TBC1D5: variants seen among roughly 807,000 people sequenced by gnomAD.
TBC1D5 encodes TBC1 domain family member 5, also known as TBC1 domain family, member 5.
In TBC1D5, 75 loss-of-function variants were observed where a neutral mutation model predicts 100.3. That is an observed-to-expected ratio of 0.75 (90% CI 0.62 to 0.91). The LOEUF is 0.91. TBC1D5 is among the 40% of genes least tolerant of loss of function. The pLI is 0.00. For missense variants in TBC1D5, 910 were observed against 942.4 expected, an observed-to-expected ratio of 0.97 and a Z score of 0.45; for synonymous variants, 323 against 325.6, an observed-to-expected ratio of 0.99 and a Z score of 0.09.
chr3:17,656,252 G>A (rs2066050793), intron 1 of TBC1D5, among the ~76,000 whole-genome samples: 1 of 152,148 alleles, frequency 6.6e-6, no homozygotes, highest in Non-Finnish European at 1.5e-5. Context: ...TTGGCACCAG[G>A]CTCAGGGTCA....
chr3:17,499,762 C>T lies in TBC1D5; in HGVS notation c.97+8712G>A, dbSNP rs149490723. Among the ~76,000 whole-genome samples, 29 of 148,856 alleles carry T rather than the reference C, an allele frequency of 1.9e-4. 1 individual carries two copies. Among genetic ancestry groups the T allele is most frequent in the African/African-American group, 6.4e-4 (25 of 39,082 alleles). On this transcript the variant is annotated intron_variant, in intron 3 of 21. Coordinates refer to ENST00000253692, the Ensembl canonical transcript of TBC1D5. The stretch of plus-strand genomic sequence containing the variant: ...CATTAATGAATCAACAAAAAGCAAC[C>T]AACATAATTTTTTGATAAAAGCTCC...
chr3:17,655,311 T>TG (rs2065955057), intron 1 of TBC1D5, among the ~76,000 whole-genome samples: 1 of 62,010 alleles, frequency 1.6e-5, no homozygotes, highest in South Asian at 6.2e-4. Flanking sequence ...TGTTGTGGGG[T>TG]GGGGGGAGGG....
chr3:17,359,771 A>G (rs1356107930), intron 13 of TBC1D5, among the ~76,000 whole-genome samples: 1 of 152,038 alleles, frequency 6.6e-6, no homozygotes, highest in African/African-American at 2.4e-5. Flanking sequence ...ATAAATTACC[A>G]TATGGCAATA....
chr3:17,681,494 T>G (rs966313053), intron 1 of TBC1D5, among the ~76,000 whole-genome samples: 3 of 151,450 alleles, frequency 2.0e-5, no homozygotes, highest in Non-Finnish European at 4.4e-5. Context: ...AGAAAAAAAT[T>G]AACTTACTCT....
chr3:17,715,150 AC>A lies in TBC1D5; in HGVS notation c.-101+24192del, dbSNP rs543051153. Among the ~76,000 whole-genome samples the A allele has an allele frequency of 3.3e-5, 5 of 152,262 alleles. No homozygotes were observed. The South Asian group carries it at 1.0e-3, about 31-fold the overall frequency. On this transcript the variant is annotated intron_variant, in intron 1 of 21. Coordinates refer to ENST00000253692, the Ensembl canonical transcript of TBC1D5. ...TATATTTACTAAATGTAAATGTCAT[AC>A]TGCAAATCTGTCACTCTTCAATATC...
At position 17,179,133 on chromosome 3, in the gene TBC1D5, C is replaced by T. The variant is rs200308492; in HGVS notation, c.1852+5976G>A. Among the ~76,000 whole-genome samples the T allele has an allele frequency of 9.2e-5, 14 of 152,334 alleles. No individual in the cohort carries two copies. In the East Asian group the frequency reaches 2.1e-3, roughly 23 times the overall value. Reference sequence around the variant, plus strand: ...CAGACTCCAGAATCTTCATTTTTAACAAGATCTTCAGGTGAATTGTATCTT... The same window carrying T: ...CAGACTCCAGAATCTTCATTTTTAATAAGATCTTCAGGTGAATTGTATCTT... On this transcript the variant is annotated intron_variant, in intron 19 of 21. Transcript: ENST00000253692.
At chr3:17,370,108 A>AC (rs1299817903) in intron 13 of TBC1D5, among the ~76,000 whole-genome samples, 1 of 152,126 alleles carries the variant, frequency 6.6e-6, no homozygotes, top group Non-Finnish European at 1.5e-5. Context: ...GATGAAACTA[A>AC]CCCCTGAAAC....
At position 17,703,885 on chromosome 3, in the gene TBC1D5, T is replaced by C. The variant is rs1303398481; in HGVS notation, c.-101+35458A>G. On this transcript the variant is annotated intron_variant, in intron 1 of 21. Coordinates refer to ENST00000253692, the Ensembl canonical transcript of TBC1D5. ...CTAAAAATCATACTTAAAAAGAATGTACCACATTGATATTTGTGTTTTTTT... is the reference window on the plus strand; with the variant it reads ...CTAAAAATCATACTTAAAAAGAATGCACCACATTGATATTTGTGTTTTTTT... 6.6e-5 allele frequency among the ~76,000 whole-genome samples: 10 copies of C among 150,948 alleles called. No individual in the cohort carries two copies. The East Asian group carries it at 2.0e-3, about 30-fold the overall frequency.
At chr3:17,195,857 T>G (rs1401793123) in intron 18 of TBC1D5, among the ~76,000 whole-genome samples, 1 of 152,150 alleles carries the variant, frequency 6.6e-6, no homozygotes, top group Non-Finnish European at 1.5e-5. Flanking sequence ...TTTATTCATA[T>G]GCCTATCATA....
chr3:17,429,536 T>C (rs77587880), intron 3 of TBC1D5, among the ~76,000 whole-genome samples: 3,414 of 151,998 alleles, frequency 0.022, 122 homozygotes, highest in African/African-American at 0.077. Context: ...TTTAATCCAA[T>C]TTTATACTTT....
At chr3:17,706,098 T>A in intron 1 of TBC1D5, 1 of 1,605,686 alleles carries the variant, frequency 6.2e-7, no homozygotes, top group Non-Finnish European at 8.5e-7. Flanking sequence ...GGCCTCCAGC[T>A]TGCCCTCGAA....
At chr3:17,447,440 TG>T (rs1403731692) in intron 3 of TBC1D5, among the ~76,000 whole-genome samples, 1 of 152,124 alleles carries the variant, frequency 6.6e-6, no homozygotes, top group African/African-American at 2.4e-5. Context: ...TACAAGAGGA[TG>T]GGATCTAGGC....
At chr3:17,586,305 G>C (rs888349846) in intron 2 of TBC1D5, 1 of 152,200 alleles carries the variant, frequency 6.6e-6, no homozygotes, top group South Asian at 2.1e-4. Context: ...TAAGGGTATT[G>C]AGAGTATTCT....
intron 13 of TBC1D5, among the ~76,000 whole-genome samples, chr3:17,344,745 C>A (rs2089603096): frequency 6.6e-6 from 1 of 151,992 alleles, no homozygotes. Flanking sequence ...CAGAACAGAG[C>A]CCTCAGAAAT....
intron 13 of TBC1D5, among the ~76,000 whole-genome samples, chr3:17,318,515 AG>A: frequency 6.6e-6 from 1 of 152,298 alleles, no homozygotes; most frequent in African/African-American, 2.4e-5. Context: ...AGAGATACAA[AG>A]GTGATTTCTT....
chr3:17,614,732 T>C (rs778144122), intron 2 of TBC1D5, among the ~76,000 whole-genome samples: 5 of 152,234 alleles, frequency 3.3e-5, no homozygotes, highest in Non-Finnish European at 7.3e-5. Flanking sequence ...CACATTGATT[T>C]TGTATCCTGA....
chr3:17,558,636 C>T (rs932486434), intron 2 of TBC1D5, among the ~76,000 whole-genome samples: 1 of 152,042 alleles, frequency 6.6e-6, no homozygotes, highest in African/African-American at 2.4e-5. Context: ...TGAGGAAAAA[C>T]GGGTTGTTCT....
chr3:17,214,242 G>A (rs776756501), exon 18 of TBC1D5: 9 of 1,613,222 alleles, frequency 5.6e-6, no homozygotes, highest in South Asian at 3.3e-5. Flanking sequence ...CTGTGTGAGC[G>A]AGAACGTGAG....
intron 2 of TBC1D5, among the ~76,000 whole-genome samples, chr3:17,565,723 T>G (rs953614825): frequency 5.3e-5 from 8 of 152,076 alleles, no homozygotes; most frequent in African/African-American, 1.9e-4. Context: ...TTAGAGTAAT[T>G]TACATGCTTT....
Sources: allele counts gnomAD v4.1 joint callset (sites outside exome capture counted in the v4.1 genomes callset), GRCh38; gene constraint gnomAD v4.1.1; transcripts MANE v1.5; gene names NCBI Gene and HGNC (gene_info 2026-07-23, HGNC 2026-07-21).